Variants in MACROD1 observed in about 807,000 individuals in gnomAD.
MACROD1 encodes ADP-ribose glycohydrolase MACROD1.
In MACROD1, 31 loss-of-function variants were observed where a neutral mutation model predicts 41.4. That is an observed-to-expected ratio of 0.75 (90% CI 0.56 to 1.01). MACROD1 has a LOEUF of 1.01. Among genes scored for constraint, MACROD1 ranks in the 50% least tolerant of loss-of-function variants. The pLI is 0.00. For missense variants in MACROD1, 473 were observed against 460.0 expected, an observed-to-expected ratio of 1.03 and a Z score of -0.26; for synonymous variants, 252 against 203.4, an observed-to-expected ratio of 1.24 and a Z score of -2.03.
intron 3 of MACROD1, among the ~76,000 whole-genome samples, chr11:64,141,035 T>C (rs1945405686): frequency 1.3e-5 from 2 of 152,100 alleles, no homozygotes. Context: ...CTCGGGAGGC[T>C]AAGGTGGGAG....
chr11:63,999,900 C>T, intron 5 of MACROD1, 137 bp from the exon 6 acceptor site: 1 of 1,055,432 alleles, frequency 9.5e-7, no homozygotes, highest in Non-Finnish European at 1.3e-6. Context: ...CGAAGGCCCC[C>T]ACCCCTGTGG....
intron 3 of MACROD1, among the ~76,000 whole-genome samples, chr11:64,062,450 T>C (rs1051482965): frequency 1.3e-5 from 2 of 152,080 alleles, no homozygotes; most frequent in African/African-American, 4.8e-5. Context: ...GGCGGAAGGC[T>C]CGCCTCACAC....
In MACROD1 at chr11:64,026,733, TTTCTC is replaced by T. The variant is rs1943228603; in HGVS notation, c.518-11457_518-11453del. Among the ~76,000 whole-genome samples the T allele has an allele frequency of 3.3e-5, 5 of 152,218 alleles. No individual in the cohort carries two copies. In the South Asian group the frequency reaches 6.2e-4, roughly 19 times the overall value. Reference sequence around the variant, plus strand: ...CCTCCCCCACAATTTCCTGGCCTCTTTTCTCTTCCTTCAATAGGTCTGGCTCTTTC... The same window carrying T: ...CCTCCCCCACAATTTCCTGGCCTCTTTTCCTTCAATAGGTCTGGCTCTTTC... On this transcript the variant is annotated intron_variant, in intron 3 of 10. Transcript: ENST00000255681.
intron 3 of MACROD1, chr11:64,118,213 C>T (rs772829544): frequency 5.6e-6 from 9 of 1,613,088 alleles, no homozygotes; most frequent in African/African-American, 1.3e-5. Context: ...CTCTGCAAGG[C>T]CACACACACC....
intron 1 of MACROD1, among the ~76,000 whole-genome samples, chr11:64,161,240 CTA>C (rs1458103188): frequency 6.6e-6 from 1 of 152,116 alleles, no homozygotes; most frequent in Non-Finnish European, 1.5e-5. Flanking sequence ...TGCTGGAACA[CTA>C]TACAGCAATG....
intron 3 of MACROD1, among the ~76,000 whole-genome samples, chr11:64,041,660 G>A (rs1314266781): frequency 6.6e-6 from 1 of 152,142 alleles, no homozygotes; most frequent in Non-Finnish European, 1.5e-5. Flanking sequence ...GCAGTGGAGG[G>A]TCCAGCCTGC....
intron 3 of MACROD1, among the ~76,000 whole-genome samples, chr11:64,038,667 A>G (rs928325221): frequency 2.0e-5 from 3 of 152,176 alleles, no homozygotes; most frequent in Non-Finnish European, 4.4e-5. Context: ...AGGGCTGGAC[A>G]TGGCCTGATC....
intron 3 of MACROD1, among the ~76,000 whole-genome samples, chr11:64,024,186 G>A (rs1037765500): frequency 7.2e-5 from 11 of 152,232 alleles, no homozygotes; most frequent in African/African-American, 2.7e-4. Flanking sequence ...TCAGCTGCTC[G>A]CTCATGGCGC....
At chr11:64,126,660 G>A (rs1217159814) in intron 3 of MACROD1, among the ~76,000 whole-genome samples, 1 of 152,032 alleles carries the variant, frequency 6.6e-6, no homozygotes, top group Non-Finnish European at 1.5e-5. Flanking sequence ...ACCAGGGAGG[G>A]GTCCTTGGCC....
intron 3 of MACROD1, among the ~76,000 whole-genome samples, chr11:64,149,250 T>A (rs1407859162): frequency 2.0e-5 from 3 of 152,144 alleles, no homozygotes; most frequent in Non-Finnish European, 4.4e-5. Context: ...TGACCGTCAT[T>A]TGCACGTCAC....
At chr11:64,078,807 AG>A (rs1944251244) in intron 3 of MACROD1, among the ~76,000 whole-genome samples, 1 of 103,958 alleles carries the variant, frequency 9.6e-6, no homozygotes, top group Non-Finnish European at 2.0e-5. Flanking sequence ...CTCTCTGAGC[AG>A]GGGGTGTGGG....
At chr11:64,074,732 C>T (rs1250842029) in intron 3 of MACROD1, among the ~76,000 whole-genome samples, 2 of 152,186 alleles carry the variant, frequency 1.3e-5, no homozygotes, top group African/African-American at 2.4e-5. Flanking sequence ...GCTGCTGCCC[C>T]AGAGGCCCAG....
At chr11:64,159,353 C>T (rs1945718293) in intron 1 of MACROD1, among the ~76,000 whole-genome samples, 1 of 149,422 alleles carries the variant, frequency 6.7e-6, no homozygotes, top group South Asian at 2.1e-4. Flanking sequence ...AAAAATTAGC[C>T]GGTGTAGTGG....
chr11:64,084,889 G>C lies in MACROD1; in HGVS notation c.517+66350C>G, dbSNP rs567683369. 4.6e-5 allele frequency among the ~76,000 whole-genome samples: 7 copies of C among 152,356 alleles called. No individual in the cohort carries two copies. The East Asian group carries it at 9.6e-4, about 21-fold the overall frequency. Reference sequence around the variant, plus strand: ...GACTCACAGGGAGAGCTGCGTGTGTGGGGGCTCTGCAGTCCCCCTGCTCCC... The same window carrying C: ...GACTCACAGGGAGAGCTGCGTGTGTCGGGGCTCTGCAGTCCCCCTGCTCCC... On this transcript the variant is annotated intron_variant, in intron 3 of 10. Coordinates refer to ENST00000255681, the MANE Select transcript of MACROD1 (RefSeq NM_014067.4).
At chr11:64,051,206 G>C (rs1471469898) in intron 3 of MACROD1, among the ~76,000 whole-genome samples, 2 of 152,246 alleles carry the variant, frequency 1.3e-5, no homozygotes, top group African/African-American at 4.8e-5. Context: ...ATGGGGCCAG[G>C]GGTGCCAAGA....
rs1590784129 is a variant in MACROD1, at chr11:63,998,626, C to G, written c.*92G>C. On this transcript the variant is annotated 3_prime_UTR_variant, in exon 11 of 11. Coordinates refer to ENST00000255681, the MANE Select transcript of MACROD1 (RefSeq NM_014067.4). Reference sequence around the variant, plus strand: ...GGAGGGAAAGAAGGGGTGGCCAGGCCCAGGCCAGGCTGCAGGCTTTGGCGA... The same window carrying G: ...GGAGGGAAAGAAGGGGTGGCCAGGCGCAGGCCAGGCTGCAGGCTTTGGCGA... 2 of 1,299,400 alleles carry G rather than the reference C, an allele frequency of 1.5e-6. No homozygotes were observed. The highest frequency in any genetic ancestry group is 6.0e-5 in the East Asian group (2 of 33,274). The allele number at this position is 1,299,400 out of a possible 1,614,324, so 80.5% of individuals were successfully genotyped here. A position where few individuals can be genotyped will look rare whatever the true frequency, so the allele number is the denominator to read the frequency against.
intron 1 of MACROD1, among the ~76,000 whole-genome samples, chr11:64,158,237 T>C (rs1177873626): frequency 1.3e-5 from 2 of 152,100 alleles, no homozygotes; most frequent in African/African-American, 2.4e-5. Context: ...AGGCTGTGCA[T>C]GCTCAGGGCC....
At chr11:64,101,341 G>A (rs531524341) in intron 3 of MACROD1, among the ~76,000 whole-genome samples, 2 of 152,300 alleles carry the variant, frequency 1.3e-5, no homozygotes, top group Admixed American at 6.5e-5. Flanking sequence ...AAGCCGAGAA[G>A]CTATGGGAAG....
intron 3 of MACROD1, among the ~76,000 whole-genome samples, chr11:64,144,649 C>T (rs999714696): frequency 2.6e-5 from 4 of 152,098 alleles, no homozygotes; most frequent in Non-Finnish European, 4.4e-5. Context: ...TTGGCTTCCC[C>T]GAGGAGGAGG....
Sources: allele counts gnomAD v4.1 joint callset (sites outside exome capture counted in the v4.1 genomes callset), GRCh38; gene constraint gnomAD v4.1.1; transcripts MANE v1.5; gene names NCBI Gene and HGNC (gene_info 2026-07-23, HGNC 2026-07-21).